Variants in TRPM3 observed in about 807,000 individuals in gnomAD.
TRPM3 encodes transient receptor potential cation channel subfamily M member 3.
TRPM3 carries 77 observed loss-of-function variants against 181.2 expected under a neutral mutation model. The observed-to-expected ratio is 0.42, with a 90% CI of 0.35 to 0.51. The LOEUF (loss-of-function observed/expected upper bound fraction) is 0.51. Ranked by LOEUF, TRPM3 falls within the 20% of genes least tolerant of loss-of-function variation. The pLI is 0.01. For synonymous variants in TRPM3, 745 were observed against 796.4 expected (o/e 0.94, Z 1.09); for missense variants, 1,759 against 2,196.7 (o/e 0.80, Z 3.98).
At chr9:71,412,387 T>A (rs1177175560) in intron 1 of TRPM3, among the ~76,000 whole-genome samples, 1 of 151,952 alleles carries the variant, frequency 6.6e-6, no homozygotes, top group South Asian at 2.1e-4. Context: ...ACAAAGAACT[T>A]AAACAAATTT....
intron 1 of TRPM3, among the ~76,000 whole-genome samples, chr9:71,266,409 T>C (rs1274640504): frequency 1.3e-5 from 2 of 152,178 alleles, no homozygotes; most frequent in Non-Finnish European, 2.9e-5. Context: ...AGTTGGTGCA[T>C]ACAGCTTGTA....
At chr9:70,772,847 G>A (rs2080598190) in intron 7 of TRPM3, among the ~76,000 whole-genome samples, 2 of 151,292 alleles carry the variant, frequency 1.3e-5, no homozygotes, top group Non-Finnish European at 2.9e-5. Context: ...CATGTCAGGT[G>A]GATTCTCTGC....
At chr9:70,904,472 A>C (rs151025456) in intron 1 of TRPM3, among the ~76,000 whole-genome samples, 360 of 152,322 alleles carry the variant, frequency 2.4e-3, no homozygotes, top group Non-Finnish European at 4.1e-3. Flanking sequence ...AGCAGGTTAG[A>C]AACAGCTTGG....
At chr9:71,218,923 C>T (rs886452383) in intron 1 of TRPM3, among the ~76,000 whole-genome samples, 1 of 152,096 alleles carries the variant, frequency 6.6e-6, no homozygotes, top group South Asian at 2.1e-4. Context: ...GGTCCACATT[C>T]CAATGAATGC....
At chr9:70,969,756 T>TTATATATATATAGATATATATATA in intron 1 of TRPM3, among the ~76,000 whole-genome samples, 2 of 126,624 alleles carry the variant, frequency 1.6e-5, no homozygotes, top group Admixed American at 1.6e-4. Context: ...CTGAATGATT[T>TTATATATATATAGATATATATATA]TATATATATA....
At chr9:71,222,786 A>G (rs1474971607) in intron 1 of TRPM3, among the ~76,000 whole-genome samples, 2 of 152,140 alleles carry the variant, frequency 1.3e-5, no homozygotes, top group African/African-American at 4.8e-5. Context: ...TGGGTTTTGC[A>G]TTGGAACTCG....
rs75458739 is a variant in TRPM3, at chr9:71,277,130, A to ATT, written c.183+169521_183+169522dup. 1.3e-4 allele frequency among the ~76,000 whole-genome samples: 20 copies of ATT among 151,960 alleles called. No homozygotes were observed. The South Asian group carries it at 2.1e-3, about 16-fold the overall frequency. The stretch of plus-strand genomic sequence containing the variant: ...ATATTTAGGAATTCCAAAAAAGCTT[A>ATT]TTTTTTTTAAAGAAAAGTTATTAAG... On this transcript the variant is annotated intron_variant, in intron 1 of 24. Transcript: ENST00000357533.
chr9:71,429,189 T>C (rs2093920030), intron 1 of TRPM3, among the ~76,000 whole-genome samples: 1 of 152,282 alleles, frequency 6.6e-6, no homozygotes, highest in South Asian at 2.1e-4. Flanking sequence ...AGTAAATGTT[T>C]TTTCTGGTAG....
intron 1 of TRPM3, among the ~76,000 whole-genome samples, chr9:71,052,993 C>G (rs1311720209): frequency 6.7e-6 from 1 of 150,158 alleles, no homozygotes; most frequent in Non-Finnish European, 1.5e-5. Context: ...CTTTTACAAC[C>G]ACCGAAAGTG....
intron 1 of TRPM3, among the ~76,000 whole-genome samples, chr9:71,044,646 G>A (rs1045879346): frequency 2.0e-5 from 3 of 152,166 alleles, no homozygotes; most frequent in African/African-American, 7.2e-5. Context: ...TATTATCTAT[G>A]ATGTGACTCC....
At chr9:71,001,307 A>G (rs2097597763) in intron 1 of TRPM3, among the ~76,000 whole-genome samples, 1 of 152,182 alleles carries the variant, frequency 6.6e-6, no homozygotes, top group Admixed American at 6.5e-5. Flanking sequence ...CTTCTGATCC[A>G]GTTTATAAAC....
chr9:70,907,303 C>T (rs938123510), intron 1 of TRPM3, among the ~76,000 whole-genome samples: 7 of 152,158 alleles, frequency 4.6e-5, no homozygotes, highest in South Asian at 2.1e-4. Context: ...ACTCTGCCTC[C>T]TTGTTTCAGT....
At chr9:70,741,428 C>T (rs887546382) in intron 8 of TRPM3, among the ~76,000 whole-genome samples, 2 of 152,134 alleles carry the variant, frequency 1.3e-5, no homozygotes, top group Non-Finnish European at 2.9e-5. Context: ...CCTTAAAGAA[C>T]TAAAAGTAGA....
intron 9 of TRPM3, among the ~76,000 whole-genome samples, chr9:70,673,479 C>G (rs2063367694): frequency 6.6e-6 from 1 of 152,172 alleles, no homozygotes; most frequent in East Asian, 1.9e-4. Context: ...GTGTTTAGTC[C>G]CTAACTAAAA....
At chr9:71,230,010 G>C (rs2080944708) in intron 1 of TRPM3, among the ~76,000 whole-genome samples, 1 of 152,068 alleles carries the variant, frequency 6.6e-6, no homozygotes, top group Non-Finnish European at 1.5e-5. Context: ...AAGTGGCCAA[G>C]ATTTAGAAGC....
intron 9 of TRPM3, among the ~76,000 whole-genome samples, chr9:70,656,036 T>A (rs1489161525): frequency 6.6e-6 from 1 of 152,204 alleles, no homozygotes; most frequent in African/African-American, 2.4e-5. Flanking sequence ...TCAGAAAAAG[T>A]AAAGTCTAGT....
At chr9:70,840,537 G>C (rs1175836054) in intron 5 of TRPM3, among the ~76,000 whole-genome samples, 2 of 152,024 alleles carry the variant, frequency 1.3e-5, no homozygotes, top group Non-Finnish European at 2.9e-5. Context: ...AGTTGGGAAG[G>C]CAGACAATGT....
intron 7 of TRPM3, among the ~76,000 whole-genome samples, chr9:70,781,995 C>G (rs72727795): frequency 7.1e-6 from 1 of 141,238 alleles, no homozygotes; most frequent in Non-Finnish European, 1.6e-5. Flanking sequence ...TCTGAAAAAA[C>G]AAACAAACAA....
At position 70,747,053 on chromosome 9, in the gene TRPM3, C is replaced by T. The variant is rs558038825; in HGVS notation, c.1272+14548G>A. On this transcript the variant is annotated intron_variant, in intron 8 of 25. Transcript: ENST00000677713. ...TGTATCAGCCCCATTAATGTATATACATCTGAATTCATTCATTCATTCACT... is the reference window on the plus strand; with the variant it reads ...TGTATCAGCCCCATTAATGTATATATATCTGAATTCATTCATTCATTCACT... Among the ~76,000 whole-genome samples, 137 of 152,260 alleles carry T rather than the reference C, an allele frequency of 9.0e-4. 1 individual carries two copies. The highest frequency in any genetic ancestry group is 3.2e-3 in the African/African-American group (134 of 41,574).
Sources: gnomAD v4.1 joint callset for allele counts (sites outside exome capture counted in the v4.1 genomes callset) on GRCh38, gnomAD v4.1.1 for gene constraint, MANE v1.5 for transcripts, NCBI Gene and HGNC (gene_info 2026-07-23, HGNC 2026-07-21) for gene names.